The following SESN2 variants were observed in gnomAD, a reference collection of about 807,000 sequenced individuals.
The protein encoded by SESN2 is sestrin-2.
In SESN2, 42 loss-of-function variants were observed where a neutral mutation model predicts 56.0. The observed-to-expected ratio is 0.75, with a 90% CI of 0.59 to 0.97. The LOEUF (loss-of-function observed/expected upper bound fraction) is 0.97, where lower values mean the gene tolerates loss of function less well. SESN2 is among the 50% of genes least tolerant of loss of function. The probability of loss-of-function intolerance (pLI) is 0.00; values close to 1 mark genes in which losing one functional copy is unlikely to be tolerated. For synonymous variants in SESN2, 264 were observed against 267.1 expected (o/e 0.99, Z 0.11); for missense variants, 507 against 649.4 (o/e 0.78, Z 2.38).
intron 1 of SESN2, among the ~76,000 whole-genome samples, chr1:28,265,612 C>T (rs745880357): frequency 2.6e-5 from 4 of 152,156 alleles, no homozygotes; most frequent in Non-Finnish European, 5.9e-5. Context: ...TCAGGCTGGT[C>T]TCGAACTCCC....
chr1:28,270,681 C>G (rs1647738935), intron 2 of SESN2, among the ~76,000 whole-genome samples: 1 of 152,014 alleles, frequency 6.6e-6, no homozygotes, highest in Non-Finnish European at 1.5e-5. Context: ...AAGCAATTCT[C>G]CTGCCTCAAG....
intron 1 of SESN2, among the ~76,000 whole-genome samples, chr1:28,264,902 T>C (rs2149036392): frequency 1.3e-5 from 2 of 152,330 alleles, no homozygotes; most frequent in East Asian, 3.9e-4. Context: ...CTTCTCATTC[T>C]TGGTGAGTCC....
rs183433079 is a variant in SESN2, at chr1:28,267,522, G to T, written c.91-1661G>T. 1.6e-3 allele frequency among the ~76,000 whole-genome samples: 236 copies of T among 152,222 alleles called. 1 individual carries two copies. The highest frequency in any genetic ancestry group is 5.5e-3 in the African/African-American group (227 of 41,538). On this transcript the variant is annotated intron_variant, in intron 1 of 9. Transcript: ENST00000253063. ...GTTTTTGGTTCCCGGATACCTGAGGGCTGGTACTAAGTCTGGATCTTAATG... is the reference window on the plus strand; with the variant it reads ...GTTTTTGGTTCCCGGATACCTGAGGTCTGGTACTAAGTCTGGATCTTAATG...
intron 1 of SESN2, among the ~76,000 whole-genome samples, chr1:28,261,067 G>A (rs1471098960): frequency 3.9e-5 from 6 of 152,138 alleles, no homozygotes; most frequent in Admixed American, 2.0e-4. Context: ...GCTTCTAGTT[G>A]CTTTAGTTTA....
At chr1:28,260,110 C>T (rs1305104867) in intron 1 of SESN2, among the ~76,000 whole-genome samples, 173 bp downstream of exon 1, 23 of 149,890 alleles carry the variant, frequency 1.5e-4, no homozygotes, top group East Asian at 2.0e-4. Context: ...ACCCCTCCCC[C>T]ACTCTGTCTC....
chr1:28,266,502 A>G (rs1647563444), intron 1 of SESN2, among the ~76,000 whole-genome samples: 1 of 151,302 alleles, frequency 6.6e-6, no homozygotes, highest in Admixed American at 6.6e-5. Flanking sequence ...GCTAAGGGAT[A>G]GCAGGTGGTG....
chr1:28,279,037 G>T, intron 8 of SESN2, 60 bp from the exon 9 acceptor site: 1 of 1,570,878 alleles, frequency 6.4e-7, no homozygotes, highest in Non-Finnish European at 8.8e-7. Flanking sequence ...TGGGGTTGCG[G>T]GGAGGGAGCT....
intron 1 of SESN2, among the ~76,000 whole-genome samples, chr1:28,260,367 G>C (rs1557728378): frequency 6.6e-6 from 1 of 152,018 alleles, no homozygotes; most frequent in Non-Finnish European, 1.5e-5. Flanking sequence ...CTTCCTCTTC[G>C]CGGGGGCCGG....
At chr1:28,261,173 G>A (rs1444869617) in intron 1 of SESN2, among the ~76,000 whole-genome samples, 2 of 152,146 alleles carry the variant, frequency 1.3e-5, no homozygotes, top group East Asian at 3.9e-4. Flanking sequence ...TAGTAACGTG[G>A]TTTCTGGGGA....
At chr1:28,280,206 AT>A (rs1648184947) in intron 9 of SESN2, among the ~76,000 whole-genome samples, 2 of 152,192 alleles carry the variant, frequency 1.3e-5, no homozygotes, top group African/African-American at 4.8e-5. Context: ...CTGGGATTTC[AT>A]TTTTATAATG....
At chr1:28,272,487 G>A in intron 4 of SESN2, 21 bp downstream of exon 4, 1 of 1,610,030 alleles carries the variant, frequency 6.2e-7, no homozygotes, top group Non-Finnish European at 8.5e-7. Flanking sequence ...CAGAGAGGCG[G>A]GTGTCTGAGG....
rs764064202 is a variant in SESN2, at chr1:28,274,881, T to G, written c.1077T>G (p.Gly359=). 1.2e-6 allele frequency: 2 copies of G among 1,614,162 alleles called. No homozygotes were observed. The highest frequency in any genetic ancestry group is 2.2e-5 in the South Asian group (2 of 91,086). ...YSLIQRLYPE[G]GQLLDEKFQA... Reference sequence around the variant, plus strand: ...TGATCCAGCGGCTTTACCCTGAGGGTGGGCAGCTGCTGGATGAGAAGTTCC... The same window carrying G: ...TGATCCAGCGGCTTTACCCTGAGGGGGGGCAGCTGCTGGATGAGAAGTTCC... The change falls in exon 8 of 10, where the codon GGT becomes GGG. Residue 359 remains glycine, a synonymous_variant. Coordinates refer to ENST00000253063, the MANE Select transcript of SESN2 (RefSeq NM_031459.5).
At chr1:28,263,627 C>T (rs1647458198) in intron 1 of SESN2, among the ~76,000 whole-genome samples, 1 of 152,052 alleles carries the variant, frequency 6.6e-6, no homozygotes, top group African/African-American at 2.4e-5. Context: ...TCTGGGGCTT[C>T]TCCAAGAAGC....
In SESN2 at chr1:28,275,025, T is replaced by A. The variant is rs746356961; in HGVS notation, c.1211+10T>A. ...GCGTCTTTGGCATCAGGTGAGCTCA[T>A]ATCCCTTCATTTGGGGCATGTGTGC... On this transcript the variant is annotated intron_variant, in intron 8 of 9. Transcript: ENST00000253063. 1.3e-6 allele frequency: 2 copies of A among 1,599,104 alleles called. No homozygotes were observed. The highest frequency in any genetic ancestry group is 1.7e-6 in the Non-Finnish European group (2 of 1,168,122).
In SESN2 at chr1:28,272,626, A is replaced by G; in HGVS notation, c.583A>G (p.Ile195Val). 1 of 1,612,848 alleles carries G rather than the reference A, an allele frequency of 6.2e-7. No homozygotes were observed. Among genetic ancestry groups the G allele is most frequent in the Non-Finnish European group, 8.5e-7 (1 of 1,178,892 alleles). ...GEHTWSLAEL[I>V]QALVLLTHCH... The stretch of plus-strand genomic sequence containing the variant: ...GCACACTTGGTCCCTGGCCGAGCTC[A>G]TTCAGGCTCTGGTCCTGCTCACCCA... Residue 195 changes from isoleucine to valine, a missense_variant, in exon 5 of 10, where the codon ATT becomes GTT. Transcript: ENST00000253063.
At chr1:28,276,878 CTTTTT>C (rs56403975) in intron 8 of SESN2, among the ~76,000 whole-genome samples, 1 of 117,974 alleles carries the variant, frequency 8.5e-6, no homozygotes, top group Non-Finnish European at 1.8e-5. Flanking sequence ...TGCGCCCAGC[CTTTTT>C]TTTTTTTTTT....
chr1:28,259,781 C>A lies in SESN2; in HGVS notation c.-67C>A. 8.3e-7 allele frequency: 1 copy of A among 1,209,598 alleles called. No homozygotes were observed. The highest frequency in any genetic ancestry group is 1.1e-6 in the Non-Finnish European group (1 of 925,058). The allele number at this position is 1,209,598 out of a possible 1,614,324, so 74.9% of individuals were successfully genotyped here. On this transcript the variant is annotated 5_prime_UTR_variant, in exon 1 of 10. Coordinates refer to ENST00000253063, the MANE Select transcript of SESN2 (RefSeq NM_031459.5). ...GCGCCCAGTCCCGGCTTCATTCGGG[C>A]GTCCCTCCGAAACCCACTCGGGTGC...
At position 28,269,240 on chromosome 1, in the gene SESN2, G is replaced by A. The variant is rs148732943; in HGVS notation, c.148G>A (p.Val50Met). 1,285 of 1,611,212 alleles carry A rather than the reference G, an allele frequency of 8.0e-4. 2 individuals carry two copies. Among genetic ancestry groups the A allele is most frequent in the Non-Finnish European group, 1.0e-3 (1,209 of 1,178,466 alleles). ...TCGAGGGCCCAGCGCCTTCATCCCCGTGGAGGAGGTAAGCTTGGAAGGGGT... is the reference window on the plus strand; with the variant it reads ...TCGAGGGCCCAGCGCCTTCATCCCCATGGAGGAGGTAAGCTTGGAAGGGGT... Reference protein sequence around the residue: ...GPRGPSAFIPVEEVLREGAES... With the variant: ...GPRGPSAFIPMEEVLREGAES... Residue 50 changes from valine (V) to methionine (M), a missense_variant, in exon 2 of 10, where the codon GTG becomes ATG. By Grantham distance (21) the Val-to-Met change is conservative. Coordinates refer to ENST00000253063, the MANE Select transcript of SESN2 (RefSeq NM_031459.5).
At chr1:28,275,209 AC>A (rs1647988503) in intron 8 of SESN2, among the ~76,000 whole-genome samples, 194 bp downstream of exon 8, 3 of 151,760 alleles carry the variant, frequency 2.0e-5, no homozygotes, top group Admixed American at 2.0e-4. Context: ...CTTTAATTGC[AC>A]TCCCAGAGAT....
Sources: gnomAD v4.1 joint callset for allele counts (sites outside exome capture counted in the v4.1 genomes callset) on GRCh38, gnomAD v4.1.1 for gene constraint, MANE v1.5 for transcripts, NCBI Gene and HGNC (gene_info 2026-07-23, HGNC 2026-07-21) for gene names.